SORCS1: variants seen among roughly 807,000 people sequenced by gnomAD.
SORCS1 encodes the protein VPS10 domain-containing receptor SorCS1.
In SORCS1, 60 loss-of-function variants were observed where a neutral mutation model predicts 146.1. The observed-to-expected ratio is 0.41, with a 90% CI of 0.33 to 0.51. The LOEUF is 0.51. Ranked by LOEUF, SORCS1 falls within the 20% of genes least tolerant of loss-of-function variation. The pLI is 0.21. For synonymous variants in SORCS1, 637 were observed against 584.0 expected (o/e 1.09, Z -1.31); for missense variants, 1,352 against 1,487.6 (o/e 0.91, Z 1.50).
intron 5 of SORCS1, among the ~76,000 whole-genome samples, chr10:106,732,239 T>C (rs535386128): frequency 1.3e-5 from 2 of 152,346 alleles, no homozygotes; most frequent in East Asian, 3.9e-4. Context: ...AAGGGTCTCA[T>C]AATTTCCCTC....
chr10:106,920,447 C>T (rs567995854), intron 2 of SORCS1, among the ~76,000 whole-genome samples: 7 of 152,206 alleles, frequency 4.6e-5, no homozygotes, highest in East Asian at 1.9e-4. Flanking sequence ...ATAAAATGTC[C>T]GGCTGAAGAT....
intron 17 of SORCS1, among the ~76,000 whole-genome samples, chr10:106,662,362 A>G (rs9633679): frequency 0.17 from 25,904 of 152,034 alleles, 3,168 homozygotes; most frequent in African/African-American, 0.33. Flanking sequence ...ATGCTTCCAA[A>G]TAAACTCTCA....
At chr10:107,111,866 G>C (rs1290173534) in intron 1 of SORCS1, among the ~76,000 whole-genome samples, 1 of 152,118 alleles carries the variant, frequency 6.6e-6, no homozygotes, top group Non-Finnish European at 1.5e-5. Flanking sequence ...TCTGCATAAG[G>C]TTAACAGCAG....
Position 106,580,750 on chromosome 10 carries a change from T to C in SORCS1, c.3266-1276A>G, listed in dbSNP as rs77960117. ...ACAAGACTCTCAGTTGCTTCTGCTC[T>C]GTCTACTCTTTTCAGGATTACATCT... On this transcript the variant is annotated intron_variant, in intron 24 of 25. Coordinates refer to ENST00000263054, the MANE Select transcript of SORCS1 (RefSeq NM_052918.5). Among the ~76,000 whole-genome samples the C allele has an allele frequency of 6.1e-3, 922 of 152,358 alleles. 9 individuals are homozygous for C. The highest frequency in any genetic ancestry group is 0.021 in the African/African-American group (886 of 41,586).
intron 1 of SORCS1, among the ~76,000 whole-genome samples, chr10:106,999,653 G>T (rs1037516726): frequency 2.0e-5 from 3 of 152,126 alleles, no homozygotes; most frequent in African/African-American, 7.2e-5. Context: ...CAGAAGCTTG[G>T]CTCTGGCAAA....
chr10:106,988,050 G>A (rs560894781), intron 1 of SORCS1, among the ~76,000 whole-genome samples: 1 of 152,132 alleles, frequency 6.6e-6, no homozygotes, highest in Non-Finnish European at 1.5e-5. Context: ...TATTACAGAA[G>A]AATATAGGAA....
intron 1 of SORCS1, among the ~76,000 whole-genome samples, chr10:107,062,290 G>T (rs1961300745): frequency 6.6e-6 from 1 of 151,886 alleles, no homozygotes; most frequent in Admixed American, 6.6e-5. Flanking sequence ...AGCATATTTT[G>T]CTAACATTAA....
intron 2 of SORCS1, among the ~76,000 whole-genome samples, chr10:106,913,877 A>T (rs1952284198): frequency 6.6e-6 from 1 of 152,178 alleles, no homozygotes; most frequent in South Asian, 2.1e-4. Flanking sequence ...TTCTTTTAGG[A>T]GGCAAAAGTG....
At chr10:106,614,493 T>C (rs1290754453) in intron 21 of SORCS1, among the ~76,000 whole-genome samples, 1 of 152,230 alleles carries the variant, frequency 6.6e-6, no homozygotes, top group Middle Eastern at 3.2e-3. Flanking sequence ...TGGTCACCTA[T>C]GTGAATATTA....
In SORCS1 at chr10:106,853,899, T is replaced by C. The variant is rs182602214; in HGVS notation, c.627-24226A>G. Among the ~76,000 whole-genome samples the C allele has an allele frequency of 2.0e-3, 297 of 152,164 alleles. 5 individuals are homozygous for C. The highest frequency in any genetic ancestry group is 6.0e-4 in the Non-Finnish European group (41 of 67,966). On this transcript the variant is annotated intron_variant, in intron 2 of 25. Transcript: ENST00000263054. ...GTGGTCTGTCTTAGCAAATTTTCCATGTGATCTTGAGAAGAATGTGTAATC... is the reference window on the plus strand; with the variant it reads ...GTGGTCTGTCTTAGCAAATTTTCCACGTGATCTTGAGAAGAATGTGTAATC...
chr10:106,792,898 T>C (rs1419770565), intron 3 of SORCS1, among the ~76,000 whole-genome samples: 1 of 152,160 alleles, frequency 6.6e-6, no homozygotes, highest in Non-Finnish European at 1.5e-5. Flanking sequence ...AAAACACGAC[T>C]TTTGGAAAAA....
intron 7 of SORCS1, among the ~76,000 whole-genome samples, chr10:106,708,666 C>T (rs1854716637): frequency 1.3e-5 from 2 of 152,170 alleles, no homozygotes; most frequent in Admixed American, 1.3e-4. Flanking sequence ...TACATCTGCT[C>T]TGAAGTGTCT....
chr10:106,966,405 A>G (rs1170826333), intron 1 of SORCS1, among the ~76,000 whole-genome samples: 1 of 152,198 alleles, frequency 6.6e-6, no homozygotes, highest in Non-Finnish European at 1.5e-5. Flanking sequence ...AGCATCCAGA[A>G]AGCAGTTAGT....
chr10:106,697,536 G>A (rs1241462401), intron 9 of SORCS1, among the ~76,000 whole-genome samples: 17 of 152,138 alleles, frequency 1.1e-4, no homozygotes, highest in Admixed American at 1.1e-3. Flanking sequence ...AGTATGGGAA[G>A]ATGTAGGAAT....
intron 20 of SORCS1, among the ~76,000 whole-genome samples, chr10:106,619,701 G>C (rs1847610861): frequency 6.6e-6 from 1 of 152,134 alleles, no homozygotes; most frequent in Non-Finnish European, 1.5e-5. Context: ...GGCCTCTTAT[G>C]AAGCAGCTGG....
intron 2 of SORCS1, among the ~76,000 whole-genome samples, chr10:106,867,638 C>T (rs1353253796): frequency 1.3e-5 from 2 of 152,136 alleles, no homozygotes; most frequent in African/African-American, 4.8e-5. Context: ...CATATCTGGC[C>T]CAACTAACTT....
At chr10:107,034,216 G>A (rs1215963063) in intron 1 of SORCS1, among the ~76,000 whole-genome samples, 1 of 152,104 alleles carries the variant, frequency 6.6e-6, no homozygotes, top group Non-Finnish European at 1.5e-5. Context: ...CAAATGGTGG[G>A]GAGGGGTAGA....
chr10:107,087,924 A>G (rs545391904), intron 1 of SORCS1, among the ~76,000 whole-genome samples: 1 of 151,974 alleles, frequency 6.6e-6, no homozygotes, highest in East Asian at 1.9e-4. Flanking sequence ...TTATTTATTT[A>G]TTTATTTATT....
intron 2 of SORCS1, among the ~76,000 whole-genome samples, chr10:106,896,240 C>T (rs1193896051): frequency 2.0e-5 from 3 of 151,846 alleles, no homozygotes; most frequent in Non-Finnish European, 4.4e-5. Flanking sequence ...ACCAGCCTGA[C>T]CAACATGGTG....
Sources: gnomAD v4.1 joint callset for allele counts (sites outside exome capture counted in the v4.1 genomes callset) on GRCh38, gnomAD v4.1.1 for gene constraint, MANE v1.5 for transcripts, NCBI Gene and HGNC (gene_info 2026-07-23, HGNC 2026-07-21) for gene names.